PTPRM: variants seen among roughly 807,000 people sequenced by gnomAD.
PTPRM encodes protein tyrosine phosphatase receptor type M.
PTPRM carries 47 observed loss-of-function variants against 186.7 expected under a neutral mutation model. That is an observed-to-expected ratio of 0.25 (90% confidence interval 0.20 to 0.32). The LOEUF (loss-of-function observed/expected upper bound fraction) is 0.32. Among genes scored for constraint, PTPRM ranks in the 10% least tolerant of loss-of-function variants. The pLI is 1.00. For synonymous variants in PTPRM, 668 were observed against 674.9 expected (o/e 0.99, Z 0.16); for missense variants, 1,494 against 1,865.0 (o/e 0.80, Z 3.66).
At chr18:8,343,328 C>G in intron 22 of PTPRM, 95 bp from the exon 23 acceptor site, 1 of 959,638 alleles carries the variant, frequency 1.0e-6, no homozygotes, top group Non-Finnish European at 1.6e-6. Flanking sequence ...GAGGGAACTG[C>G]ATGTGGGTAT....
chr18:7,578,332 AT>A (rs34096793), intron 1 of PTPRM, among the ~76,000 whole-genome samples: 26,431 of 121,430 alleles, frequency 0.22, 3,288 homozygotes, highest in African/African-American at 0.4. Context: ...TGGCTAATTA[AT>A]TTTTTTTTTT....
intron 2 of PTPRM, among the ~76,000 whole-genome samples, chr18:7,855,637 G>A (rs1370484475): frequency 6.6e-6 from 1 of 152,186 alleles, no homozygotes; most frequent in African/African-American, 2.4e-5. Context: ...AACTAAGTAA[G>A]CTTTTTGTCA....
chr18:8,259,001 A>T (rs968619129), intron 19 of PTPRM, among the ~76,000 whole-genome samples: 1 of 152,054 alleles, frequency 6.6e-6, no homozygotes, highest in Admixed American at 6.5e-5. Flanking sequence ...CCCAGGCTGG[A>T]GTGCAGTTGC....
At chr18:8,129,431 T>C (rs1298227092) in intron 13 of PTPRM, among the ~76,000 whole-genome samples, 2 of 152,220 alleles carry the variant, frequency 1.3e-5, no homozygotes, top group East Asian at 3.8e-4. Flanking sequence ...AATTGTGATA[T>C]TTTGATTTTC....
At chr18:7,635,261 A>T (rs922452958) in intron 1 of PTPRM, among the ~76,000 whole-genome samples, 4 of 152,184 alleles carry the variant, frequency 2.6e-5, no homozygotes, top group African/African-American at 9.6e-5. Flanking sequence ...CGTGTATTTT[A>T]TATTTTTATA....
At chr18:8,290,344 AC>A (rs781149210) in intron 19 of PTPRM, among the ~76,000 whole-genome samples, 1 of 152,188 alleles carries the variant, frequency 6.6e-6, no homozygotes, top group Non-Finnish European at 1.5e-5. Context: ...CACATTATGT[AC>A]GGCCTTGACC....
chr18:7,751,443 G>A (rs1294843194), intron 1 of PTPRM: 2 of 152,118 alleles, frequency 1.3e-5, no homozygotes, highest in African/African-American at 4.8e-5. Context: ...GCCATAATCT[G>A]CCTTTATTGA....
intron 30 of PTPRM, 132 bp from the exon 31 acceptor site, chr18:8,386,940 C>G: frequency 1.1e-6 from 1 of 929,506 alleles, no homozygotes; most frequent in Middle Eastern, 2.4e-4. Context: ...CAGCAGAAGC[C>G]ACGTTGGTAA....
intron 1 of PTPRM, among the ~76,000 whole-genome samples, chr18:7,572,665 T>G (rs2036591626): frequency 6.6e-6 from 1 of 152,150 alleles, no homozygotes; most frequent in African/African-American, 2.4e-5. Flanking sequence ...AGTGAAACAT[T>G]TTTCTTAGGG....
chr18:8,258,995 G>A (rs964971798), intron 19 of PTPRM, among the ~76,000 whole-genome samples: 11 of 152,040 alleles, frequency 7.2e-5, no homozygotes, highest in African/African-American at 2.7e-4. Context: ...CTGTCACCCA[G>A]GCTGGAGTGC....
chr18:8,191,076 T>C (rs1294645561), intron 14 of PTPRM, among the ~76,000 whole-genome samples: 1 of 151,542 alleles, frequency 6.6e-6, no homozygotes, highest in African/African-American at 2.4e-5. Flanking sequence ...GAAGAAGGGG[T>C]TGGAGGAATG....
At chr18:8,145,219 G>A (rs2092854264) in intron 14 of PTPRM, among the ~76,000 whole-genome samples, 1 of 152,166 alleles carries the variant, frequency 6.6e-6, no homozygotes, top group African/African-American at 2.4e-5. Flanking sequence ...TTCCTGGTTT[G>A]GGCAAGTTAG....
chr18:8,399,554 A>C (rs1308167520), intron 32 of PTPRM: 2 of 152,240 alleles, frequency 1.3e-5, no homozygotes, highest in Admixed American at 1.3e-4. Flanking sequence ...TGTTCATAGA[A>C]GGCTACGGGG....
Position 8,085,756 on chromosome 18 carries a change from C to A in PTPRM, c.1637C>A (p.Thr546Asn). ...AGAGTTTCAAAGCTGGGAAATGAAA[C>A]CCATTTTCTGTTTTTTGGACTGTAT... ...SGRVSKLGNE[T>N]HFLFFGLYPG... The change falls in exon 10 of 33, where the codon ACC (threonine) becomes AAC (asparagine). Residue 546 changes from threonine (T) to asparagine (N), a missense_variant. Thr to Asn is a moderately conservative substitution (Grantham distance 65, BLOSUM62 0). Coordinates refer to ENST00000580170, the MANE Select transcript of PTPRM (RefSeq NM_001105244.2). 6.2e-7 allele frequency: 1 copy of A among 1,612,554 alleles called. No individual in the cohort carries two copies. Among genetic ancestry groups the A allele is most frequent in the South Asian group, 1.1e-5 (1 of 91,056 alleles).
At chr18:8,325,225 T>C (rs1315927487) in intron 22 of PTPRM, among the ~76,000 whole-genome samples, 1 of 152,172 alleles carries the variant, frequency 6.6e-6, no homozygotes, top group African/African-American at 2.4e-5. Flanking sequence ...GTAAACTGCA[T>C]GTCATGAGGG....
At chr18:8,284,152 A>G (rs898787424) in intron 19 of PTPRM, among the ~76,000 whole-genome samples, 1 of 152,172 alleles carries the variant, frequency 6.6e-6, no homozygotes, top group African/African-American at 2.4e-5. Flanking sequence ...GGCTGTTTGC[A>G]TTTCAAAATT....
intron 2 of PTPRM, among the ~76,000 whole-genome samples, chr18:7,834,544 T>C (rs1342990586): frequency 1.2e-3 from 35 of 28,092 alleles, no homozygotes; most frequent in Admixed American, 0.011. Context: ...AGACTCATTC[T>C]TTCAGGTCAG....
intron 2 of PTPRM, among the ~76,000 whole-genome samples, chr18:7,809,592 CTG>C (rs1213199387): frequency 6.6e-6 from 1 of 152,186 alleles, no homozygotes; most frequent in African/African-American, 2.4e-5. Flanking sequence ...ACTGCCCCTC[CTG>C]TGTTACCATG....
At chr18:7,642,868 G>A (rs72892150) in intron 1 of PTPRM, among the ~76,000 whole-genome samples, 14 of 127,506 alleles carry the variant, frequency 1.1e-4, no homozygotes, top group African/African-American at 1.2e-4. Context: ...AAAAAAAAAA[G>A]AAGAAGAAAG....
Sources: gnomAD v4.1 joint callset for allele counts (sites outside exome capture counted in the v4.1 genomes callset) on GRCh38, gnomAD v4.1.1 for gene constraint, MANE v1.5 for transcripts, NCBI Gene and HGNC (gene_info 2026-07-23, HGNC 2026-07-21) for gene names.